The following XRCC4 variants were observed in gnomAD, a reference collection of about 807,000 sequenced individuals.
XRCC4 encodes X-ray repair cross complementing 4.
Under a neutral mutation model 39.1 loss-of-function variants are expected in XRCC4, and 28 were observed. The ratio of observed to expected loss-of-function variants is 0.72; its 90% CI spans 0.53 to 0.98. The LOEUF (loss-of-function observed/expected upper bound fraction) is 0.98, where lower values mean the gene tolerates loss of function less well. Among genes scored for constraint, XRCC4 ranks in the 50% least tolerant of loss-of-function variants. XRCC4 has a pLI of 0.00. For synonymous variants in XRCC4, 123 were observed against 126.4 expected, an observed-to-expected ratio of 0.97 and a Z score of 0.18; for missense variants, 350 against 376.4, an observed-to-expected ratio of 0.93 and a Z score of 0.58.
chr5:83,121,649 A>G (rs1747014033), intron 3 of XRCC4, among the ~76,000 whole-genome samples: 1 of 152,188 alleles, frequency 6.6e-6, no homozygotes, highest in African/African-American at 2.4e-5. Context: ...TCCTTAACAG[A>G]TACACAATTT....
intron 7 of XRCC4, among the ~76,000 whole-genome samples, chr5:83,263,256 TG>T (rs1262682325): frequency 6.6e-6 from 1 of 151,940 alleles, no homozygotes; most frequent in Non-Finnish European, 1.5e-5. Context: ...GTTGGACATT[TG>T]GGTTGGTTCC....
the XRCC4 span, among the ~76,000 whole-genome samples, chr5:83,359,643 G>A: frequency 6.6e-6 from 1 of 151,940 alleles, no homozygotes. Flanking sequence ...TTAGTCGAAT[G>A]GTTCTTTGAA....
At chr5:83,273,576 C>T (rs528132352) in intron 7 of XRCC4, among the ~76,000 whole-genome samples, 1 of 152,164 alleles carries the variant, frequency 6.6e-6, no homozygotes, top group East Asian at 1.9e-4. Context: ...TTTAATCCAT[C>T]TTGAGTTGAT....
chr5:83,191,954 A>T lies in XRCC4; in HGVS notation c.316-3816A>T, dbSNP rs948645073. On this transcript the variant is annotated intron_variant, in intron 3 of 7. Transcript: ENST00000396027. ...TTGGCCTGGGCTTTGAGGTGATGGT[A>T]AGGGAGTATGGCATTTAATCTTGGA... Among the ~76,000 whole-genome samples, 3 of 152,234 alleles carry T rather than the reference A, an allele frequency of 2.0e-5. No homozygotes were observed. In the East Asian group the frequency reaches 5.8e-4, roughly 29 times the overall value.
At chr5:83,242,769 T>C (rs1355916567) in intron 6 of XRCC4, among the ~76,000 whole-genome samples, 1 of 152,222 alleles carries the variant, frequency 6.6e-6, no homozygotes, top group African/African-American at 2.4e-5. Context: ...ATCAATTTCC[T>C]TTGTAATAGC....
intron 3 of XRCC4, among the ~76,000 whole-genome samples, chr5:83,137,457 C>G (rs1303644320): frequency 6.6e-6 from 1 of 152,068 alleles, no homozygotes; most frequent in Non-Finnish European, 1.5e-5. Flanking sequence ...GGTTATTAAC[C>G]ATTTTTGAAT....
At chr5:83,141,714 CTTTA>C (rs777475598) in intron 3 of XRCC4, among the ~76,000 whole-genome samples, 10 of 151,724 alleles carry the variant, frequency 6.6e-5, no homozygotes, top group Non-Finnish European at 1.5e-4. Context: ...GACATTAACA[CTTTA>C]TTTGAGTACT....
chr5:83,210,742 A>G (rs1456687137), intron 6 of XRCC4, among the ~76,000 whole-genome samples: 1 of 152,196 alleles, frequency 6.6e-6, no homozygotes, highest in African/African-American at 2.4e-5. Context: ...AGATTGAACA[A>G]GTAAGACTTC....
intron 3 of XRCC4, among the ~76,000 whole-genome samples, chr5:83,161,079 A>G (rs1749182703): frequency 1.3e-5 from 2 of 151,450 alleles, no homozygotes; most frequent in South Asian, 4.2e-4. Context: ...GCACATAGCT[A>G]GTAAGTGGCC....
intron 7 of XRCC4, among the ~76,000 whole-genome samples, chr5:83,302,636 G>T (rs7707944): frequency 0.045 from 6,811 of 152,202 alleles, 219 homozygotes; most frequent in South Asian, 0.15. Flanking sequence ...TTCTTATTCG[G>T]CCATCTTGCC....
chr5:83,128,384 T>C (rs1747383913), intron 3 of XRCC4, among the ~76,000 whole-genome samples: 1 of 152,168 alleles, frequency 6.6e-6, no homozygotes, highest in Non-Finnish European at 1.5e-5. Context: ...TGATGGACAT[T>C]TGGGTTGGTT....
chr5:83,270,776 CATATAT>C (rs545805498), intron 7 of XRCC4, among the ~76,000 whole-genome samples: 5,475 of 121,530 alleles, frequency 0.045, 332 homozygotes, highest in African/African-American at 0.16. Context: ...AAAATATATA[CATATAT>C]ATATGTATAT....
rs548542901 is a variant in XRCC4 at position 83,270,436 on chromosome 5, T to A, written c.893+11759T>A. Among the ~76,000 whole-genome samples the A allele has an allele frequency of 3.3e-5, 5 of 152,250 alleles. No homozygotes were observed. In the East Asian group the frequency reaches 5.8e-4, roughly 18 times the overall value. ...GCTTCTAAAATATCTTAGAATTTAATCTCATGCTTTCTACTTCTGCTGCCA... is the reference window on the plus strand; with the variant it reads ...GCTTCTAAAATATCTTAGAATTTAAACTCATGCTTTCTACTTCTGCTGCCA... On this transcript the variant is annotated intron_variant, in intron 7 of 7. Coordinates refer to ENST00000396027, the MANE Select transcript of XRCC4 (RefSeq NM_003401.5).
At chr5:83,174,698 A>G (rs1749874264) in intron 3 of XRCC4, among the ~76,000 whole-genome samples, 1 of 152,258 alleles carries the variant, frequency 6.6e-6, no homozygotes, top group Admixed American at 6.5e-5. Flanking sequence ...GCTAACACCA[A>G]GGCACTGTTC....
At chr5:83,112,172 A>G (rs1338228959) in intron 3 of XRCC4, among the ~76,000 whole-genome samples, 1 of 152,192 alleles carries the variant, frequency 6.6e-6, no homozygotes, top group Non-Finnish European at 1.5e-5. Flanking sequence ...CTGCCAATTT[A>G]TATAAGTTTC....
At chr5:83,157,115 A>T (rs1340092268) in intron 3 of XRCC4, among the ~76,000 whole-genome samples, 2 of 152,148 alleles carry the variant, frequency 1.3e-5, no homozygotes, top group African/African-American at 4.8e-5. Flanking sequence ...TGCATAATTA[A>T]AAAAGGGAAC....
the XRCC4 span, among the ~76,000 whole-genome samples, chr5:83,372,814 C>T: frequency 2.6e-5 from 4 of 152,010 alleles, no homozygotes; most frequent in South Asian, 2.1e-4. Context: ...AGCCACTGGA[C>T]GATCATTTAA....
At chr5:83,118,071 CACACACATAT>C (rs1331523827) in intron 3 of XRCC4, among the ~76,000 whole-genome samples, 119 of 112,950 alleles carry the variant, frequency 1.1e-3, no homozygotes, top group Middle Eastern at 4.0e-3. Context: ...CACACACACA[CACACACATAT>C]GTATATAGTG....
chr5:83,358,911 A>G, the XRCC4 span, among the ~76,000 whole-genome samples: 1 of 152,238 alleles, frequency 6.6e-6, no homozygotes, highest in Non-Finnish European at 1.5e-5. Context: ...AGCGACTGCA[A>G]GGATGCCTTA....
Sources: gnomAD v4.1 joint callset for allele counts (sites outside exome capture counted in the v4.1 genomes callset) on GRCh38, gnomAD v4.1.1 for gene constraint, MANE v1.5 for transcripts, NCBI Gene and HGNC (gene_info 2026-07-23, HGNC 2026-07-21) for gene names.